Variants in OASL observed in about 807,000 individuals in gnomAD.
OASL encodes 2'-5'-oligoadenylate synthetase like.
Under a neutral mutation model 35.3 loss-of-function variants are expected in OASL, and 28 were observed. That is an observed-to-expected ratio of 0.79 (90% CI 0.59 to 1.09). The LOEUF is 1.09. Among genes scored for constraint, OASL ranks in the 50% least tolerant of loss-of-function variants. The pLI is 0.00. For synonymous variants in OASL, 252 were observed against 254.6 expected (o/e 0.99, Z 0.10); for missense variants, 620 against 635.2 (o/e 0.98, Z 0.26).
Position 121,024,138 on chromosome 12 carries a change from C to T in OASL, c.900-1G>A. Reference sequence around the variant, plus strand: ...GTCGGCCGGATCCAGGATGATGGGCCTGTAACACAGGAAAAGGGTGCCCAG... The same window carrying T: ...GTCGGCCGGATCCAGGATGATGGGCTTGTAACACAGGAAAAGGGTGCCCAG... On this transcript the variant is annotated splice_acceptor_variant, in intron 4 of 5. Transcript: ENST00000257570. LOFTEE classifies it high-confidence loss of function. 6.2e-7 allele frequency: 1 copy of T among 1,613,608 alleles called. No individual in the cohort carries two copies. Among genetic ancestry groups the T allele is most frequent in the Non-Finnish European group, 8.5e-7 (1 of 1,179,738 alleles).
chr12:121,027,658 T>C, exon 4 of OASL: 1 of 1,614,254 alleles, frequency 6.2e-7, no homozygotes, highest in South Asian at 1.1e-5. Context: ...TAGATACAGA[T>C]GACTTCATAC....
chr12:121,024,251 T>C (rs1341913968), intron 4 of OASL, 114 bp from the exon 5 acceptor site: 1 of 1,155,666 alleles, frequency 8.7e-7, no homozygotes, highest in East Asian at 2.5e-5. Context: ...GATATCCACA[T>C]CCCGGGGATG....
At chr12:121,027,587 G>T in exon 4 of OASL, 2 of 1,612,914 alleles carry the variant, frequency 1.2e-6, no homozygotes, top group South Asian at 1.1e-5. Context: ...TCTCTTTTTT[G>T]AGCTGTTTTC....
At chr12:121,033,846 T>A in intron 1 of OASL, 103 bp from the exon 2 acceptor site, 1 of 1,269,876 alleles carries the variant, frequency 7.9e-7, no homozygotes, top group Non-Finnish European at 1.1e-6. Context: ...CACCACCCGC[T>A]GAGGGATGGG....
At chr12:121,037,832 C>T (rs1227829615) in intron 1 of OASL, among the ~76,000 whole-genome samples, 1 of 150,812 alleles carries the variant, frequency 6.6e-6, no homozygotes, top group East Asian at 2.0e-4. Context: ...TGGCTCACAC[C>T]TGTAATCCCA....
chr12:121,038,956 C>T (rs765981728), exon 1 of OASL: 3 of 1,614,084 alleles, frequency 1.9e-6, no homozygotes, highest in Admixed American at 1.7e-5. Context: ...CTATACAGTT[C>T]CTGCATCAGT....
exon 6 of OASL, chr12:121,020,647 A>G (rs1869190387): frequency 1.2e-6 from 2 of 1,614,136 alleles, no homozygotes; most frequent in Middle Eastern, 3.3e-4. Flanking sequence ...CCCAGACCCA[A>G]CCAGTCCTGC....
exon 4 of OASL, chr12:121,027,713 G>T (rs553569295): frequency 6.2e-6 from 10 of 1,614,182 alleles, no homozygotes; most frequent in Non-Finnish European, 7.6e-6. Context: ...CGTCCAACAT[G>T]AAATTCTCGT....
At chr12:121,030,830 A>G (rs1869696350) in intron 3 of OASL, among the ~76,000 whole-genome samples, 1 of 152,066 alleles carries the variant, frequency 6.6e-6, no homozygotes, top group Admixed American at 6.6e-5. Context: ...CTAGACTGTA[A>G]TTGAAGGGTA....
At chr12:121,022,316 A>C (rs1045839668) in intron 5 of OASL, among the ~76,000 whole-genome samples, 2 of 151,410 alleles carry the variant, frequency 1.3e-5, no homozygotes, top group African/African-American at 4.9e-5. Flanking sequence ...CGATCTCTTG[A>C]CCTCGTGATC....
exon 6 of OASL, chr12:121,020,447 T>A: frequency 2.6e-6 from 3 of 1,146,522 alleles, no homozygotes; most frequent in Non-Finnish European, 3.7e-6. Flanking sequence ...GGATAACTCA[T>A]TGTAAAACTG....
intron 5 of OASL, chr12:121,023,593 C>T (rs977069599): frequency 3.7e-5 from 6 of 160,676 alleles, no homozygotes; most frequent in South Asian, 3.4e-4. Context: ...CCTGGCCGAG[C>T]GTCGTGGTCA....
intron 4 of OASL, among the ~76,000 whole-genome samples, chr12:121,027,319 A>G (rs892233448): frequency 2.0e-5 from 3 of 152,144 alleles, no homozygotes; most frequent in African/African-American, 7.2e-5. Context: ...TGGTCTTCAG[A>G]GAGCAAGAAG....
chr12:121,025,168 G>C (rs1274223062), intron 4 of OASL, among the ~76,000 whole-genome samples: 4 of 151,676 alleles, frequency 2.6e-5, no homozygotes, highest in African/African-American at 9.7e-5. Flanking sequence ...AGTAGAGATG[G>C]GGTTTCACCA....
At chr12:121,020,299 A>G in exon 6 of OASL, 1 of 340,354 alleles carries the variant, frequency 2.9e-6, no homozygotes, top group Non-Finnish European at 5.4e-6. Context: ...ACACCCAGTG[A>G]ATTATTTTTT....
rs1246639053 is a variant in OASL, at chr12:121,025,513, C to T, written c.900-1376G>A. 2.0e-5 allele frequency among the ~76,000 whole-genome samples: 3 copies of T among 152,020 alleles called. No homozygotes were observed. The East Asian group carries it at 5.8e-4, about 30-fold the overall frequency. ...GGCGCAGTGGCTCACGCCTATAATC[C>T]CAGCATTTTGTGGGGCCGAGGTGGG... On this transcript the variant is annotated intron_variant, in intron 4 of 5. Coordinates refer to ENST00000257570, the Ensembl canonical transcript of OASL.
At chr12:121,032,876 T>C (rs1869793727) in intron 2 of OASL, among the ~76,000 whole-genome samples, 1 of 152,190 alleles carries the variant, frequency 6.6e-6, no homozygotes, top group Non-Finnish European at 1.5e-5. Flanking sequence ...ACCCCATTCT[T>C]TTTCTCTGAG....
chr12:121,030,992 G>A (rs1035897284), intron 3 of OASL, among the ~76,000 whole-genome samples: 1 of 151,920 alleles, frequency 6.6e-6, no homozygotes, highest in African/African-American at 2.4e-5. Context: ...AAAAAAATTA[G>A]CTGGGCATGG....
chr12:121,031,898 A>G (rs1869750312), intron 2 of OASL, among the ~76,000 whole-genome samples: 1 of 151,936 alleles, frequency 6.6e-6, no homozygotes, highest in South Asian at 2.1e-4. Context: ...CTCTTTCAAT[A>G]CTCATAGGGA....
Sources: gnomAD v4.1 joint callset for allele counts (sites outside exome capture counted in the v4.1 genomes callset) on GRCh38, gnomAD v4.1.1 for gene constraint, MANE v1.5 for transcripts, NCBI Gene and HGNC (gene_info 2026-07-23, HGNC 2026-07-21) for gene names.